CLVS2: variants seen among roughly 807,000 people sequenced by gnomAD.
The protein encoded by CLVS2 is clavesin 2.
Under a neutral mutation model 29.0 loss-of-function variants are expected in CLVS2, and 19 were observed. The observed-to-expected ratio is 0.66, with a 90% CI of 0.46 to 0.96. The LOEUF (loss-of-function observed/expected upper bound fraction) is 0.96. Ranked by LOEUF, CLVS2 falls within the 40% of genes least tolerant of loss-of-function variation. The probability of loss-of-function intolerance (pLI) is 0.00; values close to 1 mark genes in which losing one functional copy is unlikely to be tolerated. For synonymous variants in CLVS2, 161 were observed against 151.3 expected (o/e 1.06, Z -0.47); for missense variants, 294 against 404.1 (o/e 0.73, Z 2.34).
At position 122,997,333 on chromosome 6, in the gene CLVS2, C is replaced by T. The variant is rs41284424; in HGVS notation, c.-445C>T. 0.014 allele frequency: 2,522 copies of T among 175,190 alleles called. 18 individuals carry two copies. The highest frequency in any genetic ancestry group is 0.018 in the Admixed American group (295 of 16,850). 10.9% of individuals were successfully genotyped at this position (175,190 alleles called of 1,614,324 possible). ...TCAGCAGGGACCGCAGGAACATTCA[C>T]AGTGCAGGGGCTGAGATGTGCGTGG... On this transcript the variant is annotated 5_prime_UTR_variant, in exon 2 of 6. Coordinates refer to ENST00000275162, the MANE Select transcript of CLVS2 (RefSeq NM_001010852.4).
rs535091923 is a variant in CLVS2 at position 123,065,741 on chromosome 6, T to G, written c.*1980T>G. The G allele has an allele frequency of 6.6e-6, 1 of 151,954 alleles. No individual in the cohort carries two copies. Among genetic ancestry groups the G allele is most frequent in the East Asian group, 1.9e-4 (1 of 5,180 alleles). 9.4% of individuals were successfully genotyped at this position (151,954 alleles called of 1,614,324 possible). Reference sequence around the variant, plus strand: ...GGCAGTATAATCCATTGGAATAAAATAGAAACATTGTAAGTGCAGAGGGCA... The same window carrying G: ...GGCAGTATAATCCATTGGAATAAAAGAGAAACATTGTAAGTGCAGAGGGCA... On this transcript the variant is annotated 3_prime_UTR_variant, in exon 6 of 6. Coordinates refer to ENST00000275162, the MANE Select transcript of CLVS2 (RefSeq NM_001010852.4).
chr6:123,054,338 G>T (rs977514517), intron 4 of CLVS2, among the ~76,000 whole-genome samples: 2 of 152,272 alleles, frequency 1.3e-5, no homozygotes, highest in Non-Finnish European at 2.9e-5. Flanking sequence ...GGAGAGGGAA[G>T]GTGTAAAGTT....
intron 3 of CLVS2, among the ~76,000 whole-genome samples, chr6:123,013,649 A>G (rs972496195): frequency 1.3e-5 from 2 of 150,956 alleles, no homozygotes. Context: ...TTTGCATTTT[A>G]TTTTATTTTT....
At position 123,057,099 on chromosome 6, in the gene CLVS2, C is replaced by T. The variant is rs150870090; in HGVS notation, c.896+1073C>T. Among the ~76,000 whole-genome samples the T allele has an allele frequency of 9.6e-3, 1,464 of 152,232 alleles. 14 individuals are homozygous for T. The highest frequency in any genetic ancestry group is 0.034 in the African/African-American group (1,406 of 41,538). ...TCTCAGACTTCCCAGGCAACCACAGCTCAGGGTCCATTTGGATAACAGTAA... is the reference window on the plus strand; with the variant it reads ...TCTCAGACTTCCCAGGCAACCACAGTTCAGGGTCCATTTGGATAACAGTAA... On this transcript the variant is annotated intron_variant, in intron 5 of 5. Transcript: ENST00000275162.
chr6:123,003,476 T>C (rs1358318749), intron 2 of CLVS2, among the ~76,000 whole-genome samples: 1 of 152,244 alleles, frequency 6.6e-6, no homozygotes, highest in Non-Finnish European at 1.5e-5. Flanking sequence ...AGTAAGTGGC[T>C]ATTACACTAT....
chr6:123,036,935 G>A (rs1000007431), intron 3 of CLVS2, among the ~76,000 whole-genome samples: 6 of 152,224 alleles, frequency 3.9e-5, no homozygotes, highest in African/African-American at 1.4e-4. Context: ...CACGTTAGTC[G>A]AGCCAACTCC....
chr6:123,023,755 CT>C (rs1448230908), intron 3 of CLVS2, among the ~76,000 whole-genome samples: 2 of 152,066 alleles, frequency 1.3e-5, no homozygotes, highest in African/African-American at 4.8e-5. Context: ...ATAGGTTAGA[CT>C]TTAGAATCAA....
At position 123,072,831 on chromosome 6, in the gene CLVS2, TTTTA is replaced by T. The variant is rs1772970265; in HGVS notation, c.*9074_*9077del. On this transcript the variant is annotated 3_prime_UTR_variant, in exon 6 of 6. Transcript: ENST00000275162. ...TATTCTGAAAACCATTATATTAATA[TTTTA>T]TTTCTTTTTTTGCAGAGAAACTATT... The T allele has an allele frequency of 6.6e-6, 1 of 152,100 alleles. No homozygotes were observed. Among genetic ancestry groups the T allele is most frequent in the African/African-American group, 2.4e-5 (1 of 41,450 alleles). The allele number at this position is 152,100 out of a possible 1,614,324, so 9.4% of individuals were successfully genotyped here. A position where few individuals can be genotyped will look rare whatever the true frequency, so the allele number is the denominator to read the frequency against.
At chr6:123,040,748 G>C (rs946678716) in intron 3 of CLVS2, among the ~76,000 whole-genome samples, 10 of 136,522 alleles carry the variant, frequency 7.3e-5, no homozygotes, top group Admixed American at 5.2e-4. Context: ...AGCCTGGGTA[G>C]CAAAGTGAGA....
intron 4 of CLVS2, among the ~76,000 whole-genome samples, chr6:123,054,572 T>A (rs1192102634): frequency 2.0e-5 from 3 of 152,252 alleles, no homozygotes; most frequent in Non-Finnish European, 4.4e-5. Context: ...TCCCAATGTA[T>A]TTACTTCAGT....
chr6:123,018,366 G>A (rs1774870538), intron 3 of CLVS2, among the ~76,000 whole-genome samples: 1 of 151,920 alleles, frequency 6.6e-6, no homozygotes, highest in African/African-American at 2.4e-5. Context: ...TATCCTTTTA[G>A]AACACTAGGA....
At chr6:123,054,189 A>G (rs1303718703) in intron 4 of CLVS2, among the ~76,000 whole-genome samples, 2 of 152,208 alleles carry the variant, frequency 1.3e-5, no homozygotes, top group African/African-American at 2.4e-5. Flanking sequence ...TAAAAGTTAT[A>G]TATCTAATAA....
chr6:123,003,527 C>T (rs565875718), intron 2 of CLVS2, among the ~76,000 whole-genome samples: 59 of 152,170 alleles, frequency 3.9e-4, no homozygotes, highest in Non-Finnish European at 7.2e-4. Context: ...TATGTGGGAT[C>T]GTTATGATAC....
intron 4 of CLVS2, among the ~76,000 whole-genome samples, chr6:123,049,808 G>GTC (rs541963204): frequency 7.2e-6 from 1 of 138,954 alleles, no homozygotes; most frequent in African/African-American, 3.0e-5. Context: ...GTGGGATGGG[G>GTC]GGCGGGGAGG....
chr6:123,018,874 T>C (rs1774881296), intron 3 of CLVS2, among the ~76,000 whole-genome samples: 1 of 152,020 alleles, frequency 6.6e-6, no homozygotes, highest in Non-Finnish European at 1.5e-5. Context: ...CATGGATGAG[T>C]ATAAGGTCAT....
chr6:123,060,234 C>G (rs1310115446), intron 5 of CLVS2, among the ~76,000 whole-genome samples: 2 of 152,060 alleles, frequency 1.3e-5, no homozygotes, highest in East Asian at 3.9e-4. Flanking sequence ...AAAAAGATGA[C>G]TTGTCTTTTT....
rs181695320 is a variant in CLVS2, at chr6:123,034,391, T to C, written c.565-14231T>C. ...ACCTTGCAGTAGAAGGAAAAACAAA[T>C]AAAAAAGCTATTGATACACACAACA... On this transcript the variant is annotated intron_variant, in intron 3 of 5. Coordinates refer to ENST00000275162, the MANE Select transcript of CLVS2 (RefSeq NM_001010852.4). 1.4e-3 allele frequency among the ~76,000 whole-genome samples: 215 copies of C among 152,040 alleles called. 1 individual carries two copies. The highest frequency in any genetic ancestry group is 3.5e-3 in the Admixed American group (53 of 15,254).
intron 5 of CLVS2, among the ~76,000 whole-genome samples, chr6:123,061,690 C>G (rs1772780811): frequency 6.6e-6 from 1 of 152,102 alleles, no homozygotes; most frequent in Admixed American, 6.5e-5. Context: ...ATGTCATATT[C>G]TCTAATATTG....
chr6:123,053,884 G>A (rs1772651067), intron 4 of CLVS2, among the ~76,000 whole-genome samples: 1 of 152,112 alleles, frequency 6.6e-6, no homozygotes, highest in Non-Finnish European at 1.5e-5. Context: ...TAGTGCGCAG[G>A]TGGAGAGGTT....
Sources: allele counts gnomAD v4.1 joint callset (sites outside exome capture counted in the v4.1 genomes callset), GRCh38; gene constraint gnomAD v4.1.1; transcripts MANE v1.5; gene names NCBI Gene and HGNC (gene_info 2026-07-23, HGNC 2026-07-21).